SCAI: variants seen among roughly 807,000 people sequenced by gnomAD.
The protein encoded by SCAI is suppressor of cancer cell invasion.
SCAI carries 24 observed loss-of-function variants against 92.2 expected under a neutral mutation model. The ratio of observed to expected loss-of-function variants is 0.26; its 90% CI spans 0.19 to 0.37. The LOEUF (loss-of-function observed/expected upper bound fraction) is 0.37. SCAI is among the 10% of genes least tolerant of loss of function. The pLI is 1.00. For synonymous variants in SCAI, 261 were observed against 258.6 expected, an observed-to-expected ratio of 1.01 and a Z score of -0.09; for missense variants, 450 against 736.2, an observed-to-expected ratio of 0.61 and a Z score of 4.50.
intron 13 of SCAI, among the ~76,000 whole-genome samples, chr9:124,999,379 T>C (rs1249149600): frequency 2.6e-4 from 38 of 146,160 alleles, no homozygotes; most frequent in Admixed American, 6.9e-4. Context: ...AGGGCAAGAC[T>C]CCATCTCAAA....
intron 2 of SCAI, among the ~76,000 whole-genome samples, chr9:125,057,256 G>A (rs1833687773): frequency 6.6e-6 from 1 of 152,026 alleles, no homozygotes; most frequent in Admixed American, 6.6e-5. Context: ...TCAGATTTGG[G>A]GTACTCTGCC....
chr9:125,135,980 A>AAC (rs1217751852), intron 2 of SCAI, among the ~76,000 whole-genome samples: 1 of 151,714 alleles, frequency 6.6e-6, no homozygotes, highest in Non-Finnish European at 1.5e-5. Flanking sequence ...ACAAAAAAAA[A>AAC]AAAAACAAAA....
chr9:125,048,088 C>T (rs1833482275), intron 3 of SCAI, among the ~76,000 whole-genome samples: 1 of 152,108 alleles, frequency 6.6e-6, no homozygotes, highest in Non-Finnish European at 1.5e-5. Flanking sequence ...AAGCAATTCT[C>T]CTGCCTCAGA....
chr9:124,983,745 A>G (rs978369231), intron 14 of SCAI, among the ~76,000 whole-genome samples: 1 of 152,244 alleles, frequency 6.6e-6, no homozygotes, highest in Non-Finnish European at 1.5e-5. Flanking sequence ...ATATCACAGA[A>G]GGTGACAAGT....
intron 3 of SCAI, among the ~76,000 whole-genome samples, chr9:125,037,996 C>A (rs922336017): frequency 3.3e-5 from 5 of 152,210 alleles, no homozygotes; most frequent in South Asian, 2.1e-4. Flanking sequence ...GTGGCTCATG[C>A]CTGTAATCCC....
intron 2 of SCAI, among the ~76,000 whole-genome samples, chr9:125,118,223 C>T (rs970347127): frequency 6.6e-6 from 1 of 152,164 alleles, no homozygotes; most frequent in East Asian, 1.9e-4. Flanking sequence ...TGGAGCCAAG[C>T]ATGGTGGCTC....
intron 9 of SCAI, among the ~76,000 whole-genome samples, chr9:125,017,355 A>G (rs982986114): frequency 6.6e-6 from 1 of 152,178 alleles, no homozygotes; most frequent in Admixed American, 6.5e-5. Flanking sequence ...TTTGAATTAA[A>G]AAAAAGTGAG....
chr9:124,959,082 T>A lies in SCAI; in HGVS notation c.1675-6129A>T, dbSNP rs771005523. Among the ~76,000 whole-genome samples the A allele has an allele frequency of 2.0e-5, 3 of 151,792 alleles. No individual in the cohort carries two copies. In the East Asian group the frequency reaches 5.8e-4, roughly 29 times the overall value. ...TGATGAAATTTTATTTTTTAAGAATTTTGTTCCCCTTCCTGTGTCCATGTG... is the reference window on the plus strand; with the variant it reads ...TGATGAAATTTTATTTTTTAAGAATATTGTTCCCCTTCCTGTGTCCATGTG... On this transcript the variant is annotated intron_variant, in intron 17 of 17. Transcript: ENST00000336505.
At chr9:124,974,323 C>G in intron 15 of SCAI, 1 of 386,724 alleles carries the variant, frequency 2.6e-6, no homozygotes, top group Non-Finnish European at 5.1e-6. Flanking sequence ...TAGTGTATAC[C>G]TGTGGTCCCA....
chr9:125,016,845 G>GA (rs1323695590), intron 9 of SCAI, among the ~76,000 whole-genome samples: 1 of 152,076 alleles, frequency 6.6e-6, no homozygotes, highest in East Asian at 1.9e-4. Context: ...TACCAGAAAG[G>GA]AAAAAAATTA....
intron 2 of SCAI, among the ~76,000 whole-genome samples, chr9:125,140,238 T>C (rs986277048): frequency 2.1e-5 from 3 of 144,874 alleles, no homozygotes; most frequent in Admixed American, 6.9e-5. Context: ...GAAAAAGAAG[T>C]AAGTGAAGGC....
intron 17 of SCAI, among the ~76,000 whole-genome samples, chr9:124,965,217 T>C (rs1831514888): frequency 6.6e-6 from 1 of 152,166 alleles, no homozygotes; most frequent in Non-Finnish European, 1.5e-5. Context: ...TCTCAAATCA[T>C]AATATATGTC....
chr9:125,020,649 T>G (rs561243353), intron 7 of SCAI, 24 bp downstream of exon 7: 2 of 1,026,502 alleles, frequency 1.9e-6, no homozygotes, highest in South Asian at 3.0e-5. Context: ...AGATTAGAAT[T>G]TGAACTATTT....
intron 13 of SCAI, among the ~76,000 whole-genome samples, chr9:124,996,609 T>C (rs1588140366): frequency 6.6e-6 from 1 of 151,292 alleles, no homozygotes; most frequent in Non-Finnish European, 1.5e-5. Flanking sequence ...GGTCCAACAA[T>C]ACAGTATTTT....
intron 2 of SCAI, among the ~76,000 whole-genome samples, chr9:125,132,761 G>A (rs1835430566): frequency 1.3e-5 from 2 of 152,278 alleles, no homozygotes; most frequent in African/African-American, 4.8e-5. Flanking sequence ...GAGGACAGGA[G>A]TTCAAGAGCA....
chr9:125,033,194 T>A (rs1006351028), intron 3 of SCAI, among the ~76,000 whole-genome samples: 4 of 149,820 alleles, frequency 2.7e-5, no homozygotes, highest in Non-Finnish European at 5.9e-5. Context: ...CAAGACTCCA[T>A]CTCCAAAAAA....
chr9:124,968,748 T>C (rs1831592528), intron 17 of SCAI: 3 of 1,225,560 alleles, frequency 2.4e-6, no homozygotes, highest in Non-Finnish European at 3.6e-6. Context: ...GTTGAGGCCA[T>C]GGAGGTTCAA....
chr9:125,135,211 G>A (rs1382264926), intron 2 of SCAI, among the ~76,000 whole-genome samples: 1 of 152,130 alleles, frequency 6.6e-6, no homozygotes, highest in Non-Finnish European at 1.5e-5. Flanking sequence ...AAATAATAAT[G>A]CATGAGGTTC....
At chr9:125,052,133 C>A (rs1833572585) in intron 3 of SCAI, among the ~76,000 whole-genome samples, 1 of 152,036 alleles carries the variant, frequency 6.6e-6, no homozygotes, top group Non-Finnish European at 1.5e-5. Flanking sequence ...TAGAAAAAAA[C>A]ACGGGAGTAC....
Sources: gnomAD v4.1 joint callset for allele counts (sites outside exome capture counted in the v4.1 genomes callset) on GRCh38, gnomAD v4.1.1 for gene constraint, MANE v1.5 for transcripts, NCBI Gene and HGNC (gene_info 2026-07-23, HGNC 2026-07-21) for gene names.